The following DENND2B variants were observed in gnomAD, a reference collection of about 807,000 sequenced individuals.
DENND2B encodes DENN domain containing 2B.
A neutral mutation model predicts 116.0 loss-of-function variants in DENND2B; 32 were observed. The observed-to-expected ratio is 0.28, with a 90% CI of 0.21 to 0.37. The LOEUF is 0.37. Ranked by LOEUF, DENND2B falls within the 10% of genes least tolerant of loss-of-function variation. DENND2B has a pLI of 1.00. For synonymous variants in DENND2B, 588 were observed against 583.9 expected (o/e 1.01, Z -0.10); for missense variants, 1,276 against 1,477.7 (o/e 0.86, Z 2.24).
At chr11:8,890,868 T>A (rs1290729228) in intron 1 of DENND2B, among the ~76,000 whole-genome samples, 1 of 152,002 alleles carries the variant, frequency 6.6e-6, no homozygotes, top group East Asian at 1.9e-4. Context: ...AGGCCAACAT[T>A]CAAATTCAGG....
At chr11:8,885,756 A>G (rs904103188) in intron 1 of DENND2B, among the ~76,000 whole-genome samples, 4 of 152,224 alleles carry the variant, frequency 2.6e-5, no homozygotes, top group Admixed American at 6.5e-5. Context: ...TTGAATCAAG[A>G]AAAGCATACC....
intron 1 of DENND2B, among the ~76,000 whole-genome samples, chr11:8,776,998 T>C (rs1057268476): frequency 6.6e-6 from 1 of 152,208 alleles, no homozygotes; most frequent in Non-Finnish European, 1.5e-5. Flanking sequence ...AACTCCACCC[T>C]TCCCTCTCTT....
chr11:8,807,357 T>G (rs1290391594), intron 1 of DENND2B, among the ~76,000 whole-genome samples: 2 of 152,186 alleles, frequency 1.3e-5, no homozygotes, highest in Non-Finnish European at 2.9e-5. Context: ...CCTCCCGTAA[T>G]GCAGTTCTTA....
intron 1 of DENND2B, among the ~76,000 whole-genome samples, chr11:8,781,049 C>T (rs910072748): frequency 1.3e-5 from 2 of 152,056 alleles, no homozygotes. Flanking sequence ...AGTTCAGCAT[C>T]CTAAAAGTGA....
upstream of DENND2B, chr11:8,811,053 C>A (rs1234726446): frequency 1.1e-5 from 4 of 376,298 alleles, no homozygotes; most frequent in Non-Finnish European, 1.9e-5. Flanking sequence ...TTGGAAGAAT[C>A]CCTGCCAGGG....
Position 8,876,679 on chromosome 11 carries a change from C to G in DENND2B, c.-156+4331G>C, listed in dbSNP as rs894204902. Among the ~76,000 whole-genome samples, 4 of 152,160 alleles carry G rather than the reference C, an allele frequency of 2.6e-5. No individual in the cohort carries two copies. In the South Asian group the frequency reaches 6.2e-4, roughly 24 times the overall value. The stretch of plus-strand genomic sequence containing the variant: ...ATCACCTGAGGTCAGGAGTTCAAGA[C>G]CAGCCTGGCCAACATGGTGAAACCC... On this transcript the variant is annotated intron_variant, in intron 2 of 22. Transcript: ENST00000534127.
At chr11:8,840,086 C>T (rs989830497) in intron 3 of DENND2B, among the ~76,000 whole-genome samples, 1 of 151,868 alleles carries the variant, frequency 6.6e-6, no homozygotes, top group African/African-American at 2.4e-5. Flanking sequence ...GCAGGGAAAT[C>T]CCCCGCCCAA....
intron 2 of DENND2B, among the ~76,000 whole-genome samples, chr11:8,742,345 G>A (rs748894617): frequency 5.9e-4 from 89 of 152,124 alleles, no homozygotes; most frequent in Non-Finnish European, 1.0e-3. Context: ...TTTGAGGTGG[G>A]TGGTTGGCAG....
At chr11:8,798,608 G>C (rs559688035) in intron 1 of DENND2B, among the ~76,000 whole-genome samples, 2 of 151,990 alleles carry the variant, frequency 1.3e-5, no homozygotes, top group Non-Finnish European at 2.9e-5. Flanking sequence ...TCTGGCCTTC[G>C]GTGTTTTTCA....
chr11:8,769,591 T>C lies in DENND2B; in HGVS notation c.-25-18866A>G, dbSNP rs192841370. On this transcript the variant is annotated intron_variant, in intron 1 of 19. Coordinates refer to ENST00000313726, the MANE Select transcript of DENND2B (RefSeq NM_213618.2). The stretch of plus-strand genomic sequence containing the variant: ...CAACTTCTAAAAACTCCCATAAGCG[T>C]CTCGTCTTAGAAAAAAGGGGTCACA... Among the ~76,000 whole-genome samples, 823 of 152,086 alleles carry C rather than the reference T, an allele frequency of 5.4e-3. 11 individuals are homozygous for C. The highest frequency in any genetic ancestry group is 0.019 in the African/African-American group (769 of 41,478).
rs766488796 is a variant in DENND2B, at chr11:8,699,238, T to C, written c.2873A>G (p.Lys958Arg). The C allele has an allele frequency of 4.4e-6, 7 of 1,577,420 alleles. No individual in the cohort carries two copies. Among genetic ancestry groups the C allele is most frequent in the Non-Finnish European group, 5.1e-6 (6 of 1,167,406 alleles). Residue 958 changes from lysine (K) to arginine (R), a missense_variant, in exon 15 of 20, where the codon AAA becomes AGA. Around this residue, in one of 2 missense-constraint regions of DENND2B, gnomAD observed 420 missense variants for 631.1 expected, o/e 0.67. Transcript: ENST00000313726. Reference protein sequence around the residue: ...LVGLLSSSLPKLKELPVEEAL... With the variant: ...LVGLLSSSLPRLKELPVEEAL... ...CTCCTCCACAGGCAGCTCCTTCAGT[T>C]TGGGGAGGGAGCTGGAGAGCAGGCC... is the stretch of plus-strand genomic sequence containing the variant.
At chr11:8,882,025 C>T (rs1425338975) in intron 1 of DENND2B, among the ~76,000 whole-genome samples, 1 of 151,846 alleles carries the variant, frequency 6.6e-6, no homozygotes, top group African/African-American at 2.4e-5. Flanking sequence ...CTCTCTTCTA[C>T]ACAGCCCATC....
chr11:8,900,269 C>CA (rs58137458), intron 1 of DENND2B, among the ~76,000 whole-genome samples: 46,152 of 140,136 alleles, frequency 0.33, 8,055 homozygotes, highest in South Asian at 0.47. Flanking sequence ...ACTAAAAATA[C>CA]AAAAAAAAAA....
intron 1 of DENND2B, among the ~76,000 whole-genome samples, chr11:8,803,954 A>G (rs2060586258): frequency 6.6e-6 from 1 of 152,234 alleles, no homozygotes; most frequent in Non-Finnish European, 1.5e-5. Flanking sequence ...AAGGGCCTCC[A>G]ATACCACACT....
At chr11:8,769,239 C>CTTTT (rs35488456) in intron 1 of DENND2B, among the ~76,000 whole-genome samples, 1 of 142,566 alleles carries the variant, frequency 7.0e-6, no homozygotes, top group African/African-American at 2.6e-5. Flanking sequence ...AAAGCAACTT[C>CTTTT]TTTTTTTTTT....
chr11:8,695,645 AAAG>A (rs755359608), intron 18 of DENND2B, 96 bp from the exon 19 acceptor site: 8 of 1,040,700 alleles, frequency 7.7e-6, no homozygotes, highest in Non-Finnish European at 1.2e-5. Flanking sequence ...AGATGCCAAA[AAAG>A]GAGAAAGAAA....
intron 14 of DENND2B, among the ~76,000 whole-genome samples, chr11:8,701,784 A>C (rs1438131382): frequency 1.3e-5 from 2 of 151,994 alleles, no homozygotes; most frequent in Non-Finnish European, 2.9e-5. Context: ...ACGTCCAGTG[A>C]CCATCACTTC....
At chr11:8,846,422 C>A (rs1254282976) in intron 3 of DENND2B, among the ~76,000 whole-genome samples, 2 of 152,180 alleles carry the variant, frequency 1.3e-5, no homozygotes, top group Non-Finnish European at 2.9e-5. Flanking sequence ...ATCATCCGAA[C>A]CAAAGCAGCG....
intron 1 of DENND2B, among the ~76,000 whole-genome samples, chr11:8,761,627 C>T (rs2054651908): frequency 6.6e-6 from 1 of 152,152 alleles, no homozygotes; most frequent in Non-Finnish European, 1.5e-5. Flanking sequence ...TCTTAAATAT[C>T]CAGTTCAAGT....
Sources: allele counts gnomAD v4.1 joint callset (sites outside exome capture counted in the v4.1 genomes callset), GRCh38; gene constraint gnomAD v4.1.1; regional missense constraint gnomAD v4.1.1; transcripts MANE v1.5; gene names NCBI Gene and HGNC (gene_info 2026-07-23, HGNC 2026-07-21).